The following MECOM variants were observed in gnomAD, a reference collection of about 807,000 sequenced individuals.
MECOM encodes MDS1 and EVI1 complex locus.
MECOM carries 13 observed loss-of-function variants against 116.3 expected under a neutral mutation model. The observed-to-expected ratio is 0.11, with a 90% CI of 0.07 to 0.18. MECOM has a LOEUF of 0.18. MECOM is among the 10% of genes least tolerant of loss of function. The probability of loss-of-function intolerance (pLI) is 1.00; values close to 1 mark genes in which losing one functional copy is unlikely to be tolerated. For missense variants in MECOM, 1,299 were observed against 1,509.0 expected, an observed-to-expected ratio of 0.86 and a Z score of 2.31; for synonymous variants, 528 against 535.2, an observed-to-expected ratio of 0.99 and a Z score of 0.19.
intron 1 of MECOM, among the ~76,000 whole-genome samples, chr3:169,412,042 T>G (rs376360475): frequency 1.3e-5 from 2 of 151,852 alleles, no homozygotes; most frequent in South Asian, 4.2e-4. Flanking sequence ...TCCCAGCACT[T>G]TGGGAGGCCA....
At chr3:169,192,874 G>A (rs985411677) in intron 2 of MECOM, among the ~76,000 whole-genome samples, 1 of 151,996 alleles carries the variant, frequency 6.6e-6, no homozygotes, top group African/African-American at 2.4e-5. Flanking sequence ...GTGATATCTT[G>A]TTGTTTATTT....
At chr3:169,284,842 T>C (rs1422824179) in intron 2 of MECOM, among the ~76,000 whole-genome samples, 1 of 152,168 alleles carries the variant, frequency 6.6e-6, no homozygotes, top group Admixed American at 6.5e-5. Flanking sequence ...AGTGTTGCCA[T>C]AATTATCACT....
rs1006471040 is a variant in MECOM, at chr3:169,234,401, C to A, written c.376-90569G>T. Among the ~76,000 whole-genome samples the A allele has an allele frequency of 2.7e-5, 4 of 150,658 alleles. No homozygotes were observed. In the South Asian group the frequency reaches 8.3e-4, roughly 31 times the overall value. On this transcript the variant is annotated intron_variant, in intron 2 of 16. Transcript: ENST00000651503. The stretch of plus-strand genomic sequence containing the variant: ...GAACCATCCATTTAGTCAATTATGT[C>A]ATTGAGCAAATGATGGAAAGAGAAA...
intron 2 of MECOM, among the ~76,000 whole-genome samples, chr3:169,333,112 A>G (rs1723021073): frequency 6.6e-6 from 1 of 152,210 alleles, no homozygotes; most frequent in South Asian, 2.1e-4. Flanking sequence ...ACATGTTCAG[A>G]AGAATATAAA....
At chr3:169,116,839 C>G in intron 7 of MECOM, 100 bp from the exon 8 acceptor site, 4 of 1,436,772 alleles carry the variant, frequency 2.8e-6, no homozygotes, top group Non-Finnish European at 3.7e-6. Flanking sequence ...AATTAGGAAG[C>G]CAGTAAAAGA....
intron 2 of MECOM, chr3:169,145,050 T>A: frequency 1.3e-6 from 2 of 1,542,504 alleles, no homozygotes; most frequent in East Asian, 4.8e-5. Flanking sequence ...AGAAGCCCTA[T>A]GAATAAGCCT....
chr3:169,134,375 T>C (rs1331116267), intron 3 of MECOM, among the ~76,000 whole-genome samples: 1 of 152,202 alleles, frequency 6.6e-6, no homozygotes, highest in Non-Finnish European at 1.5e-5. Flanking sequence ...GTGTTGATGT[T>C]GGCTTTATTT....
At chr3:169,235,723 C>T (rs941808812) in intron 2 of MECOM, among the ~76,000 whole-genome samples, 14 of 152,128 alleles carry the variant, frequency 9.2e-5, no homozygotes, top group Middle Eastern at 3.4e-3. Context: ...TAATTTTCTT[C>T]GCACACACAA....
At chr3:169,470,181 GCT>G (rs1748974596) in intron 1 of MECOM, 1 of 152,176 alleles carries the variant, frequency 6.6e-6, no homozygotes, top group Admixed American at 6.5e-5. Flanking sequence ...TTATTGAGGA[GCT>G]CTTCAAATTA....
At chr3:169,101,814 G>C (rs1723639630) in intron 11 of MECOM, among the ~76,000 whole-genome samples, 1 of 152,168 alleles carries the variant, frequency 6.6e-6, no homozygotes, top group African/African-American at 2.4e-5. Context: ...CAAGTAGATA[G>C]TATTTGGATT....
chr3:169,177,252 G>A (rs1329892481), intron 2 of MECOM, among the ~76,000 whole-genome samples: 1 of 152,126 alleles, frequency 6.6e-6, no homozygotes, highest in African/African-American at 2.4e-5. Context: ...TAAAGAAAAT[G>A]TGGTACATAT....
At chr3:169,564,443 A>T (rs1379922774) in intron 1 of MECOM, among the ~76,000 whole-genome samples, 2 of 152,240 alleles carry the variant, frequency 1.3e-5, no homozygotes, top group African/African-American at 4.8e-5. Context: ...TGTAAAATAC[A>T]AATAATCTAT....
At chr3:169,628,474 T>A (rs1771657469) in intron 1 of MECOM, among the ~76,000 whole-genome samples, 1 of 152,174 alleles carries the variant, frequency 6.6e-6, no homozygotes, top group Non-Finnish European at 1.5e-5. Flanking sequence ...TCAATTAGGT[T>A]TAACATTTAT....
At chr3:169,485,112 A>G (rs1192486099) in intron 1 of MECOM, among the ~76,000 whole-genome samples, 1 of 152,062 alleles carries the variant, frequency 6.6e-6, no homozygotes, top group Non-Finnish European at 1.5e-5. Context: ...CTCCTGCCTC[A>G]GTCTCCTGAG....
At chr3:169,463,072 A>G (rs1747721654) in intron 1 of MECOM, among the ~76,000 whole-genome samples, 1 of 152,222 alleles carries the variant, frequency 6.6e-6, no homozygotes, top group African/African-American at 2.4e-5. Flanking sequence ...TGCTCAGTTC[A>G]AGATATTTCA....
Position 169,611,059 on chromosome 3 carries a change from T to G in MECOM, c.37+52277A>C, listed in dbSNP as rs1769201497. Among the ~76,000 whole-genome samples, 1 of 152,222 alleles carries G rather than the reference T, an allele frequency of 6.6e-6. No individual in the cohort carries two copies. The highest frequency in any genetic ancestry group is 2.1e-4 in the South Asian group (1 of 4,828). ...GCATTTGTTAAAAATTACCCATTCCTGTAGATTCTGAGTCAGTGAGCTGAA... is the reference window on the plus strand; with the variant it reads ...GCATTTGTTAAAAATTACCCATTCCGGTAGATTCTGAGTCAGTGAGCTGAA... On this transcript the variant is annotated intron_variant, in intron 1 of 16. Coordinates refer to ENST00000651503, the MANE Select transcript of MECOM (RefSeq NM_004991.4). This position sits in a 1 kb window ranked among gnomAD's most constrained non-coding sequence, Gnocchi z 4.1.
intron 1 of MECOM, among the ~76,000 whole-genome samples, chr3:169,472,101 C>G (rs1430104369): frequency 2.0e-5 from 3 of 151,862 alleles, no homozygotes; most frequent in Non-Finnish European, 2.9e-5. Flanking sequence ...GATGGATACC[C>G]CATTTACCCT....
chr3:169,105,188 C>T (rs894843000), intron 10 of MECOM, among the ~76,000 whole-genome samples: 11 of 152,144 alleles, frequency 7.2e-5, no homozygotes, highest in African/African-American at 1.4e-4. Flanking sequence ...AATGTGTGCT[C>T]TTATAGCAGT....
chr3:169,243,704 C>T (rs1039758711), intron 2 of MECOM, among the ~76,000 whole-genome samples: 51 of 152,068 alleles, frequency 3.4e-4, no homozygotes, highest in African/African-American at 1.2e-3. Flanking sequence ...TGAAAATGAA[C>T]CTGCCAATAT....
Sources: gnomAD v4.1 joint callset for allele counts (sites outside exome capture counted in the v4.1 genomes callset) on GRCh38, gnomAD v4.1.1 for gene constraint, Gnocchi (gnomAD v3.1) non-coding constraint, MANE v1.5 for transcripts, NCBI Gene and HGNC (gene_info 2026-07-23, HGNC 2026-07-21) for gene names.